The following XPR1 variants were observed in gnomAD, a reference collection of about 807,000 sequenced individuals.
The protein encoded by XPR1 is xenotropic and polytropic retrovirus receptor 1.
XPR1 carries 28 observed loss-of-function variants against 87.5 expected under a neutral mutation model. The observed-to-expected ratio is 0.32, with a 90% CI of 0.24 to 0.44. XPR1 has a LOEUF of 0.44. Among genes scored for constraint, XPR1 ranks in the 20% least tolerant of loss-of-function variants. The pLI is 1.00. For synonymous variants in XPR1, 300 were observed against 306.1 expected, an observed-to-expected ratio of 0.98 and a Z score of 0.21; for missense variants, 559 against 862.3, an observed-to-expected ratio of 0.65 and a Z score of 4.41.
chr1:180,768,704 A>T (rs1229348851), intron 2 of XPR1, among the ~76,000 whole-genome samples: 1 of 152,226 alleles, frequency 6.6e-6, no homozygotes, highest in Non-Finnish European at 1.5e-5. Flanking sequence ...TTAGCTGTAA[A>T]TTGTATAATA....
intron 2 of XPR1, among the ~76,000 whole-genome samples, chr1:180,739,200 C>G (rs908081221): frequency 4.6e-5 from 7 of 152,140 alleles, no homozygotes; most frequent in African/African-American, 1.7e-4. Context: ...TTGTTTGGGT[C>G]TATTTCTGGA....
chr1:180,831,701 C>A (rs1651072316), intron 9 of XPR1, among the ~76,000 whole-genome samples: 1 of 152,068 alleles, frequency 6.6e-6, no homozygotes, highest in Admixed American at 6.6e-5. Context: ...CCAGCTTCAT[C>A]CATGTCCCTG....
At chr1:180,684,160 G>A (rs1479330072) in intron 2 of XPR1, among the ~76,000 whole-genome samples, 1 of 152,158 alleles carries the variant, frequency 6.6e-6, no homozygotes, top group Non-Finnish European at 1.5e-5. Context: ...GTAAGGAAGG[G>A]ATCCAGTTTC....
chr1:180,835,079 C>T (rs776041125), intron 10 of XPR1, 34 bp downstream of exon 10: 42 of 1,599,516 alleles, frequency 2.6e-5, no homozygotes, highest in South Asian at 3.4e-5. Context: ...ACTACTAAAT[C>T]GCTGGTGTAA....
intron 11 of XPR1, among the ~76,000 whole-genome samples, chr1:180,862,141 G>C (rs1482249454): frequency 6.6e-6 from 1 of 151,926 alleles, no homozygotes; most frequent in Non-Finnish European, 1.5e-5. Context: ...AAGCTGATGA[G>C]AACTGATGTT....
At chr1:180,847,528 G>C (rs543269378) in intron 11 of XPR1, among the ~76,000 whole-genome samples, 11 of 152,204 alleles carry the variant, frequency 7.2e-5, no homozygotes, top group African/African-American at 2.4e-4. Flanking sequence ...TTTAAAATTA[G>C]TAAAATTGAG....
At chr1:180,691,079 A>AT (rs1656977817) in intron 2 of XPR1, among the ~76,000 whole-genome samples, 1 of 152,078 alleles carries the variant, frequency 6.6e-6, no homozygotes, top group Non-Finnish European at 1.5e-5. Flanking sequence ...CACATACGGT[A>AT]TTTTTTAAAA....
chr1:180,744,043 T>C (rs193239092), intron 2 of XPR1, among the ~76,000 whole-genome samples: 2 of 152,340 alleles, frequency 1.3e-5, no homozygotes, highest in Admixed American at 6.5e-5. Flanking sequence ...TTAACTATTA[T>C]GTCTTAAGAT....
intron 1 of XPR1, among the ~76,000 whole-genome samples, chr1:180,657,111 A>T (rs1655559562): frequency 6.6e-6 from 1 of 152,216 alleles, no homozygotes; most frequent in Admixed American, 6.5e-5. Flanking sequence ...ACCTTTTCAT[A>T]TGCCTGTTTG....
At chr1:180,865,037 G>T (rs964364005) in intron 12 of XPR1, among the ~76,000 whole-genome samples, 1 of 152,118 alleles carries the variant, frequency 6.6e-6, no homozygotes. Flanking sequence ...AATTGTATTT[G>T]GAAAAGTGTA....
intron 2 of XPR1, among the ~76,000 whole-genome samples, chr1:180,769,763 AT>A (rs1648439175): frequency 6.6e-6 from 1 of 152,178 alleles, no homozygotes; most frequent in Admixed American, 6.5e-5. Flanking sequence ...TCTCTTCGAT[AT>A]GCTAATTTCC....
At chr1:180,689,210 C>A (rs1415275006) in intron 2 of XPR1, among the ~76,000 whole-genome samples, 1 of 152,062 alleles carries the variant, frequency 6.6e-6, no homozygotes, top group Non-Finnish European at 1.5e-5. Flanking sequence ...GGTTGCATGA[C>A]TCAGTAATGA....
chr1:180,755,162 G>A (rs151245541), intron 2 of XPR1, among the ~76,000 whole-genome samples: 28 of 152,116 alleles, frequency 1.8e-4, no homozygotes, highest in Non-Finnish European at 3.5e-4. Flanking sequence ...AGCATGTGTC[G>A]ATGTATACAC....
rs369056239 is a variant in XPR1, at chr1:180,777,197, T to A, written c.122-10556T>A. Among the ~76,000 whole-genome samples the A allele has an allele frequency of 2.4e-4, 36 of 152,294 alleles. No homozygotes were observed. The South Asian group carries it at 7.0e-3, about 30-fold the overall frequency. On this transcript the variant is annotated intron_variant, in intron 2 of 14. Transcript: ENST00000367590. Reference sequence around the variant, plus strand: ...TTACCTCCAGAATATCTTTTGAATTTTTTCACTTCTCTGTCTCCAGTGCCC... The same window carrying A: ...TTACCTCCAGAATATCTTTTGAATTATTTCACTTCTCTGTCTCCAGTGCCC...
At chr1:180,809,608 A>C (rs890709787) in intron 6 of XPR1, among the ~76,000 whole-genome samples, 1 of 152,164 alleles carries the variant, frequency 6.6e-6, no homozygotes, top group Non-Finnish European at 1.5e-5. Context: ...TCAAAAAATT[A>C]GGGTGTTTAA....
intron 2 of XPR1, among the ~76,000 whole-genome samples, chr1:180,696,973 T>C (rs945881881): frequency 6.6e-6 from 1 of 152,168 alleles, no homozygotes; most frequent in Non-Finnish European, 1.5e-5. Flanking sequence ...CTGATTTTGT[T>C]ATTGGGGTAA....
At chr1:180,744,957 G>A (rs1225359884) in intron 2 of XPR1, among the ~76,000 whole-genome samples, 1 of 151,996 alleles carries the variant, frequency 6.6e-6, no homozygotes, top group African/African-American at 2.4e-5. Context: ...GGCTGGTTTA[G>A]GCACAATTTC....
At chr1:180,817,153 G>GA (rs1650438731) in intron 7 of XPR1, among the ~76,000 whole-genome samples, 1 of 151,922 alleles carries the variant, frequency 6.6e-6, no homozygotes, top group South Asian at 2.1e-4. Flanking sequence ...AGGATATAAA[G>GA]AAAAAATACG....
intron 9 of XPR1, 55 bp from the exon 10 acceptor site, chr1:180,834,819 A>G: frequency 6.5e-7 from 1 of 1,534,878 alleles, no homozygotes; most frequent in African/African-American, 1.4e-5. Flanking sequence ...TGAAATGGAG[A>G]CATTTAATAC....
Sources: allele counts gnomAD v4.1 joint callset (sites outside exome capture counted in the v4.1 genomes callset), GRCh38; gene constraint gnomAD v4.1.1; transcripts MANE v1.5; gene names NCBI Gene and HGNC (gene_info 2026-07-23, HGNC 2026-07-21).